Variants in FOXK1 observed in about 807,000 individuals in gnomAD.
FOXK1 encodes the protein forkhead box protein K1.
In FOXK1, 19 loss-of-function variants were observed where a neutral mutation model predicts 51.9. The observed-to-expected ratio is 0.37, with a 90% CI of 0.26 to 0.54. The LOEUF is 0.54. Among genes scored for constraint, FOXK1 ranks in the 20% least tolerant of loss-of-function variants. The pLI is 0.87. For synonymous variants in FOXK1, 537 were observed against 482.6 expected, an observed-to-expected ratio of 1.11 and a Z score of -1.48; for missense variants, 870 against 1,032.7, an observed-to-expected ratio of 0.84 and a Z score of 2.16.
intron 5 of FOXK1, among the ~76,000 whole-genome samples, chr7:4,757,852 G>A (rs1049091188): frequency 1.3e-5 from 2 of 151,936 alleles, no homozygotes; most frequent in South Asian, 4.2e-4. Flanking sequence ...CACAACCCCC[G>A]CCCCTCAAGT....
At chr7:4,721,589 C>CT (rs200132324) in intron 1 of FOXK1, among the ~76,000 whole-genome samples, 15,934 of 112,656 alleles carry the variant, frequency 0.14, 1,592 homozygotes, top group African/African-American at 0.29. Context: ...TCTTTTTTTT[C>CT]TTTTTTTTTT....
chr7:4,700,942 C>T (rs1780013371), intron 1 of FOXK1, among the ~76,000 whole-genome samples: 1 of 152,222 alleles, frequency 6.6e-6, no homozygotes, highest in Non-Finnish European at 1.5e-5. Flanking sequence ...ATGTATTATT[C>T]ATCCTGTGAT....
chr7:4,712,292 C>G (rs528610391), intron 1 of FOXK1, among the ~76,000 whole-genome samples: 1 of 152,192 alleles, frequency 6.6e-6, no homozygotes, highest in East Asian at 1.9e-4. Flanking sequence ...TGGTTCCTGT[C>G]TCCATAAATG....
At chr7:4,695,116 C>T (rs181565861) in intron 1 of FOXK1, among the ~76,000 whole-genome samples, 2 of 152,368 alleles carry the variant, frequency 1.3e-5, no homozygotes, top group African/African-American at 2.4e-5. Flanking sequence ...AGTTTGTGTC[C>T]GCTACCTCTG....
In FOXK1 at chr7:4,759,089, C is replaced by T. The variant is rs1562391685; in HGVS notation, c.1283C>T (p.Ser428Phe). 1 of 1,609,970 alleles carries T rather than the reference C, an allele frequency of 6.2e-7. No homozygotes were observed. Among genetic ancestry groups the T allele is most frequent in the Non-Finnish European group, 8.5e-7 (1 of 1,179,356 alleles). Residue 428 changes from serine to phenylalanine, a missense_variant, in exon 6 of 9, where the codon TCC (serine) becomes TTC (phenylalanine). By Grantham distance (155) the Ser-to-Phe change is radical. Around this residue, in one of 3 missense-constraint regions of FOXK1, gnomAD observed 457 missense variants for 510.8 expected, o/e 0.89. Coordinates refer to ENST00000328914, the MANE Select transcript of FOXK1 (RefSeq NM_001037165.2). ...PASPTHPGLM[S>F]PRSGGLQTPE... ...TCGCCCACACACCCCGGGCTGATGT[C>T]CCCTCGCTCCGGCGGCCTGCAGACC...
chr7:4,682,778 A>G lies in FOXK1; in HGVS notation c.470A>G (p.His157Arg). Residue 157 changes from histidine (H) to arginine (R), a missense_variant, in exon 1 of 9, where the codon CAC becomes CGC. His to Arg is a conservative substitution (Grantham distance 29). Around this residue, in one of 3 missense-constraint regions of FOXK1, gnomAD observed 399 missense variants for 475.6 expected, o/e 0.84. Transcript: ENST00000328914. The surrounding 1 kb of genome is among the most constrained non-coding windows in gnomAD (Gnocchi z 7.6). Reference protein sequence around the residue: ...RHLQLSFQEPHFYLRCLGKNG... With the variant: ...RHLQLSFQEPRFYLRCLGKNG... ...CTGCAGCTCAGCTTCCAGGAGCCGCACTTCTACCTGCGCTGCCTCGGCAAG... is the reference window on the plus strand; with the variant it reads ...CTGCAGCTCAGCTTCCAGGAGCCGCGCTTCTACCTGCGCTGCCTCGGCAAG... 1 of 1,594,052 alleles carries G rather than the reference A, an allele frequency of 6.3e-7. No homozygotes were observed. The highest frequency in any genetic ancestry group is 8.5e-7 in the Non-Finnish European group (1 of 1,176,106).
intron 1 of FOXK1, among the ~76,000 whole-genome samples, chr7:4,728,489 C>T (rs752862663): frequency 6.6e-6 from 1 of 152,192 alleles, no homozygotes; most frequent in Non-Finnish European, 1.5e-5. Context: ...TGAACTCTTA[C>T]TCGTGTGCAC....
At chr7:4,760,272 T>C (rs1780914283) in intron 7 of FOXK1, among the ~76,000 whole-genome samples, 1 of 152,214 alleles carries the variant, frequency 6.6e-6, no homozygotes, top group African/African-American at 2.4e-5. Context: ...TAGTTCTGAA[T>C]TGCTAAAAGA....
At chr7:4,721,344 G>A (rs1400272510) in intron 1 of FOXK1, among the ~76,000 whole-genome samples, 1 of 152,122 alleles carries the variant, frequency 6.6e-6, no homozygotes, top group Non-Finnish European at 1.5e-5. Context: ...AGCCCATAAT[G>A]GTGCAACCTT....
rs924660756 is a variant in FOXK1 at position 4,682,610 on chromosome 7, G to A, written c.302G>A (p.Ser101Asn). ...GCGGCGGCCGCCTCGGTACGGCAGA[G>A]CCCGGGGCCGGCGCTGGCGCGGCTG... ...VAAAAASVRQSPGPALARLEG... is the reference protein window; with the variant it reads ...VAAAAASVRQNPGPALARLEG... The change falls in exon 1 of 9, where the codon AGC becomes AAC. Residue 101 changes from serine to asparagine, a missense_variant. By Grantham distance (46) the Ser-to-Asn change is conservative. Coordinates refer to ENST00000328914, the MANE Select transcript of FOXK1 (RefSeq NM_001037165.2). This position sits in a 1 kb window ranked among gnomAD's most constrained non-coding sequence, Gnocchi z 7.6. 6.6e-7 allele frequency: 1 copy of A among 1,503,806 alleles called. No individual in the cohort carries two copies. The highest frequency in any genetic ancestry group is 1.4e-5 in the African/African-American group (1 of 69,390). The allele number at this position is 1,503,806 out of a possible 1,614,324, so 93.2% of individuals were successfully genotyped here.
intron 1 of FOXK1, among the ~76,000 whole-genome samples, chr7:4,690,548 C>T (rs1050418404): frequency 1.3e-5 from 2 of 152,192 alleles, no homozygotes; most frequent in Admixed American, 1.3e-4. Flanking sequence ...TTTGGGCTTG[C>T]CGCCCATTTA....
intron 2 of FOXK1, among the ~76,000 whole-genome samples, chr7:4,744,715 C>A (rs1200748309): frequency 1.3e-5 from 2 of 152,270 alleles, no homozygotes; most frequent in Non-Finnish European, 2.9e-5. Flanking sequence ...GCGAGCAGCT[C>A]CCTGGGCCTG....
chr7:4,759,434 C>T lies in FOXK1; in HGVS notation c.1535C>T (p.Ala512Val). 1.3e-6 allele frequency: 2 copies of T among 1,595,852 alleles called. No homozygotes were observed. The highest frequency in any genetic ancestry group is 1.7e-6 in the Non-Finnish European group (2 of 1,175,766). Reference protein sequence around the residue: ...IVTSQQPAGHAIHVVQQAPTV... With the variant: ...IVTSQQPAGHVIHVVQQAPTV... ...ACCTCACAGCAGCCCGCGGGCCACG[C>T]CATCCACGTCGTGCAGCAGGCCCCC... The change falls in exon 7 of 9, where the codon GCC (alanine) becomes GTC (valine). Residue 512 changes from alanine to valine, a missense_variant. Physicochemically the swap from Ala to Val is moderately conservative, Grantham distance 64. Around this residue, in one of 3 missense-constraint regions of FOXK1, gnomAD observed 457 missense variants for 510.8 expected, o/e 0.89. Coordinates refer to ENST00000328914, the MANE Select transcript of FOXK1 (RefSeq NM_001037165.2).
intron 1 of FOXK1, among the ~76,000 whole-genome samples, chr7:4,737,092 A>T (rs181168128): frequency 1.9e-4 from 28 of 151,140 alleles, no homozygotes; most frequent in Non-Finnish European, 3.4e-4. Context: ...TTACGAAAAA[A>T]CACCTCTTCA....
At chr7:4,736,607 G>T (rs538580324) in intron 1 of FOXK1, among the ~76,000 whole-genome samples, 2 of 151,952 alleles carry the variant, frequency 1.3e-5, no homozygotes, top group African/African-American at 4.8e-5. Context: ...AGAGAGGGGG[G>T]TTTTGCCTTT....
intron 1 of FOXK1, among the ~76,000 whole-genome samples, chr7:4,706,494 G>T (rs868241706): frequency 6.6e-6 from 1 of 152,076 alleles, no homozygotes. Flanking sequence ...ACAGTTGGGG[G>T]CCCATCGGAG....
In FOXK1 at chr7:4,754,967, A is replaced by G. The variant is rs928105784; in HGVS notation, c.904-270A>G. 2.7e-5 allele frequency: 15 copies of G among 564,514 alleles called. No homozygotes were observed. The Admixed American group carries it at 4.2e-4, about 16-fold the overall frequency. 35.0% of individuals were successfully genotyped at this position (564,514 alleles called of 1,614,324 possible). Reference sequence around the variant, plus strand: ...CTTTGTCTTAGTTCATTTTTGTCCAATAGCTGTTTTCAAATTGATTTCTGG... The same window carrying G: ...CTTTGTCTTAGTTCATTTTTGTCCAGTAGCTGTTTTCAAATTGATTTCTGG... On this transcript the variant is annotated intron_variant, in intron 3 of 8. Coordinates refer to ENST00000328914, the MANE Select transcript of FOXK1 (RefSeq NM_001037165.2).
chr7:4,687,978 C>T (rs1779842053), intron 1 of FOXK1, among the ~76,000 whole-genome samples: 1 of 152,164 alleles, frequency 6.6e-6, no homozygotes, highest in African/African-American at 2.4e-5. Flanking sequence ...ACGATCCTCC[C>T]ACCTTGGCCT....
chr7:4,755,360 C>T lies in FOXK1; in HGVS notation c.1027C>T (p.Arg343Trp), dbSNP rs754380424. Residue 343 changes from arginine to tryptophan, a missense_variant, in exon 4 of 9, where the codon CGG (arginine) becomes TGG (tryptophan). Arg to Trp is a moderately radical substitution (Grantham distance 101). Transcript: ENST00000328914. This position sits in a 1 kb window ranked among gnomAD's most constrained non-coding sequence, Gnocchi z 6.6. ...AHITKHYPYY[R>W]TADKGWQNSI... ...CATCACCAAGCATTACCCCTACTACCGGACGGCCGACAAAGGCTGGCAGGT... is the reference window on the plus strand; with the variant it reads ...CATCACCAAGCATTACCCCTACTACTGGACGGCCGACAAAGGCTGGCAGGT... 2 of 1,613,572 alleles carry T rather than the reference C, an allele frequency of 1.2e-6. No homozygotes were observed. Among genetic ancestry groups the T allele is most frequent in the Non-Finnish European group, 8.5e-7 (1 of 1,180,004 alleles).
Sources: allele counts gnomAD v4.1 joint callset (sites outside exome capture counted in the v4.1 genomes callset), GRCh38; gene constraint gnomAD v4.1.1; regional missense constraint gnomAD v4.1.1; non-coding constraint Gnocchi (gnomAD v3.1); transcripts MANE v1.5; gene names NCBI Gene and HGNC (gene_info 2026-07-23, HGNC 2026-07-21).